Variants in REPS2 observed in about 807,000 individuals in gnomAD.
REPS2 encodes the protein ralBP1-associated Eps domain-containing protein 2.
Under a neutral mutation model 53.6 loss-of-function variants are expected in REPS2, and 23 were observed. That is an observed-to-expected ratio of 0.43 (90% confidence interval 0.31 to 0.61). The LOEUF (loss-of-function observed/expected upper bound fraction) is 0.61, where lower values mean the gene tolerates loss of function less well. REPS2 is among the 20% of genes least tolerant of loss of function. The pLI, the probability that REPS2 is intolerant of heterozygous loss-of-function variation, is 0.11. For synonymous variants in REPS2, 238 were observed against 218.6 expected (o/e 1.09, Z -0.78); for missense variants, 446 against 534.9 (o/e 0.83, Z 1.64).
At position 17,068,482 on chromosome X, in the gene REPS2, A is replaced by G. The variant is rs1380392928; in HGVS notation, c.1279+11A>G. On this transcript the variant is annotated intron_variant, in intron 10 of 17. Coordinates refer to ENST00000357277, the MANE Select transcript of REPS2 (RefSeq NM_004726.3). ...GTGATGACAAACAAGGTAGGAGAAG[A>G]ATGAGTTTTCTTCTTTAACCAGCGT... 8.5e-7 allele frequency: 1 copy of G among 1,183,010 alleles called. No individual in the cohort carries two copies. Among genetic ancestry groups the G allele is most frequent in the African/African-American group, 1.8e-5 (1 of 56,772 alleles).
chrX:17,097,930 C>T (rs1057340870), intron 13 of REPS2, among the ~76,000 whole-genome samples: 12 of 111,336 alleles, frequency 1.1e-4, no homozygotes, highest in East Asian at 2.8e-4. Context: ...AAGAAAACTC[C>T]GGGCTCAGGT....
intron 1 of REPS2, among the ~76,000 whole-genome samples, chrX:16,992,888 G>T (rs192332031): frequency 8.9e-6 from 1 of 112,141 alleles, no homozygotes; most frequent in African/African-American, 3.2e-5. Context: ...CTAGTCCTCT[G>T]TCTGAAGTGA....
chrX:17,001,667 A>G (rs139814242), intron 1 of REPS2, among the ~76,000 whole-genome samples: 1,969 of 112,280 alleles, frequency 0.018, 24 homozygotes, highest in Non-Finnish European at 0.025. Context: ...AATGTGGACC[A>G]TATGTTGTAT....
At chrX:17,055,703 T>C (rs1431168243) in intron 8 of REPS2, among the ~76,000 whole-genome samples, 2 of 105,481 alleles carry the variant, frequency 1.9e-5, no homozygotes, top group Non-Finnish European at 3.9e-5. Context: ...ATGGATGAAA[T>C]TGGAAACCAT....
intron 9 of REPS2, among the ~76,000 whole-genome samples, chrX:17,068,122 G>A (rs1463976621): frequency 9.0e-6 from 1 of 110,572 alleles, no homozygotes; most frequent in Non-Finnish European, 1.9e-5. Context: ...GACCATCCTG[G>A]CTAACACAGT....
chrX:17,134,447 G>T (rs934101451), intron 15 of REPS2, among the ~76,000 whole-genome samples: 1 of 111,223 alleles, frequency 9.0e-6, no homozygotes, highest in African/African-American at 3.3e-5. Flanking sequence ...CAGAGAGAGT[G>T]GGCCTTGGGC....
At chrX:17,117,851 A>G (rs897182962) in intron 14 of REPS2, among the ~76,000 whole-genome samples, 1 of 105,188 alleles carries the variant, frequency 9.5e-6, no homozygotes, top group Non-Finnish European at 2.0e-5. Flanking sequence ...AATCGCCACA[A>G]TGACTTCCAC....
intron 14 of REPS2, among the ~76,000 whole-genome samples, chrX:17,115,384 C>T (rs1269205585): frequency 8.9e-6 from 1 of 112,469 alleles, no homozygotes; most frequent in African/African-American, 3.2e-5. Context: ...CCGCATGTCC[C>T]ACCTCCAGCC....
intron 1 of REPS2, among the ~76,000 whole-genome samples, chrX:16,987,887 C>T (rs1027007286): frequency 4.5e-5 from 5 of 111,709 alleles, no homozygotes; most frequent in Non-Finnish European, 3.8e-5. Flanking sequence ...ATTTTCAAGG[C>T]AAGGATGTCT....
intron 14 of REPS2, among the ~76,000 whole-genome samples, chrX:17,131,181 A>G (rs2063287025): frequency 1.8e-5 from 2 of 111,477 alleles, no homozygotes; most frequent in African/African-American, 3.3e-5. Context: ...GCAACTAAAG[A>G]CAGAACCTTG....
intron 5 of REPS2, among the ~76,000 whole-genome samples, chrX:17,036,849 A>AGTGTGTGT (rs143234384): frequency 9.7e-6 from 1 of 102,913 alleles, no homozygotes; most frequent in East Asian, 3.1e-4. Context: ...AGAGAGTATA[A>AGTGTGTGT]GTGTGTGTGT....
chrX:17,029,736 C>A, intron 5 of REPS2, 113 bp downstream of exon 5: 1 of 475,689 alleles, frequency 2.1e-6, no homozygotes, highest in South Asian at 3.4e-5. Flanking sequence ...TAAAACTGAT[C>A]CTTCATGCAA....
At chrX:17,050,038 T>G (rs2061958850) in intron 6 of REPS2, among the ~76,000 whole-genome samples, 1 of 106,534 alleles carries the variant, frequency 9.4e-6, no homozygotes, top group Non-Finnish European at 1.9e-5. Flanking sequence ...TCCTGCAAGC[T>G]CCATTCATGG....
intron 1 of REPS2, among the ~76,000 whole-genome samples, chrX:16,955,356 C>T (rs2147614474): frequency 9.0e-6 from 1 of 111,482 alleles, no homozygotes; most frequent in South Asian, 3.7e-4. Flanking sequence ...TTGGTTGCTG[C>T]ATTAGTTATC....
At chrX:17,011,186 G>T (rs1450438613) in intron 2 of REPS2, among the ~76,000 whole-genome samples, 2 of 110,749 alleles carry the variant, frequency 1.8e-5, no homozygotes, top group African/African-American at 6.6e-5. Flanking sequence ...GGCAAGTGCC[G>T]ACTCTACATT....
Position 16,965,340 on chromosome X carries a change from C to T in REPS2, c.273+18206C>T, listed in dbSNP as rs1408690975. 4.6e-3 allele frequency among the ~76,000 whole-genome samples: 502 copies of T among 109,919 alleles called. 1 individual carries two copies. Among genetic ancestry groups the T allele is most frequent in the African/African-American group, 0.016 (477 of 29,840 alleles). On this transcript the variant is annotated intron_variant, in intron 1 of 17. Coordinates refer to ENST00000357277, the MANE Select transcript of REPS2 (RefSeq NM_004726.3). ...CTGACCCCCCCACCTCCCTCCCGGA[C>T]GGGGCGGCTGGCCGGGCGGGGGGCT... is the stretch of plus-strand genomic sequence containing the variant.
At chrX:17,032,874 T>C (rs2061724693) in intron 5 of REPS2, among the ~76,000 whole-genome samples, 1 of 112,271 alleles carries the variant, frequency 8.9e-6, no homozygotes, top group African/African-American at 3.2e-5. Flanking sequence ...AATTTCACTT[T>C]TGTTCGGGTG....
At chrX:17,164,632 T>C in the REPS2 span, among the ~76,000 whole-genome samples, 2 of 111,744 alleles carry the variant, frequency 1.8e-5, no homozygotes, top group Non-Finnish European at 3.8e-5. Context: ...TAGACAATAC[T>C]TGTGAAATGC....
chrX:17,052,132 A>T (rs2062011618), intron 6 of REPS2, among the ~76,000 whole-genome samples: 1 of 112,503 alleles, frequency 8.9e-6, no homozygotes, highest in African/African-American at 3.2e-5. Context: ...AAATTAATTT[A>T]TGTGATTTGC....
Sources: gnomAD v4.1 joint callset for allele counts (sites outside exome capture counted in the v4.1 genomes callset) on GRCh38, gnomAD v4.1.1 for gene constraint, MANE v1.5 for transcripts, NCBI Gene and HGNC (gene_info 2026-07-23, HGNC 2026-07-21) for gene names.